Variants in CPNE8 observed in about 807,000 individuals in gnomAD.
The protein encoded by CPNE8 is copine-8.
A neutral mutation model predicts 81.5 loss-of-function variants in CPNE8; 45 were observed. The ratio of observed to expected loss-of-function variants is 0.55; its 90% CI spans 0.44 to 0.71. CPNE8 has a LOEUF of 0.71. Ranked by LOEUF, CPNE8 falls within the 30% of genes least tolerant of loss-of-function variation. CPNE8 has a pLI of 0.00. For missense variants in CPNE8, 594 were observed against 672.1 expected (o/e 0.88, Z 1.28); for synonymous variants, 252 against 226.3 (o/e 1.11, Z -1.02).
At chr12:38,695,096 A>G (rs1939764528) in intron 14 of CPNE8, among the ~76,000 whole-genome samples, 1 of 152,126 alleles carries the variant, frequency 6.6e-6, no homozygotes, top group Non-Finnish European at 1.5e-5. Flanking sequence ...CCTCAACTTG[A>G]CTAAACTTGT....
Position 38,723,842 on chromosome 12 carries a change from GA to G in CPNE8, c.853-10del. On this transcript the variant is annotated splice_polypyrimidine_tract_variant and intron_variant, in intron 12 of 19. Transcript: ENST00000331366. The stretch of plus-strand genomic sequence containing the variant: ...AAAGAGAGTAAAGTTACCTGAAAAA[GA>G]AAAAGACAGAATTACCTTCTAGTTG... The G allele has an allele frequency of 6.6e-7, 1 of 1,517,522 alleles. No individual in the cohort carries two copies. Among genetic ancestry groups the G allele is most frequent in the Middle Eastern group, 1.7e-4 (1 of 5,884 alleles). 94.0% of individuals were successfully genotyped at this position (1,517,522 alleles called of 1,614,324 possible). A position where few individuals can be genotyped will look rare whatever the true frequency, so the allele number is the denominator to read the frequency against.
At chr12:38,741,211 C>A (rs868304421) in intron 10 of CPNE8, among the ~76,000 whole-genome samples, 2 of 152,122 alleles carry the variant, frequency 1.3e-5, no homozygotes, top group Non-Finnish European at 2.9e-5. Context: ...CAAAAAAGAG[C>A]CCGCATTCCC....
intron 6 of CPNE8, among the ~76,000 whole-genome samples, chr12:38,795,348 A>G (rs1249829531): frequency 6.6e-6 from 1 of 152,228 alleles, no homozygotes; most frequent in Non-Finnish European, 1.5e-5. Context: ...TAGATCTACC[A>G]TATGATCCGC....
chr12:38,794,753 C>T (rs1194476135), intron 6 of CPNE8, among the ~76,000 whole-genome samples: 2 of 151,596 alleles, frequency 1.3e-5, no homozygotes, highest in Non-Finnish European at 1.5e-5. Context: ...CTATAGAAAA[C>T]AGTATGAATG....
At chr12:38,664,459 T>G (rs1309159392) in intron 19 of CPNE8, among the ~76,000 whole-genome samples, 1 of 152,108 alleles carries the variant, frequency 6.6e-6, no homozygotes. Flanking sequence ...AGTTTTCAAT[T>G]TATATTCATA....
intron 19 of CPNE8, among the ~76,000 whole-genome samples, chr12:38,662,791 C>G (rs776152684): frequency 2.6e-4 from 39 of 152,126 alleles, no homozygotes; most frequent in Non-Finnish European, 4.7e-4. Context: ...TAAAAACAGA[C>G]ACATAGACCA....
chr12:38,766,755 CAT>C (rs915553966), intron 8 of CPNE8, among the ~76,000 whole-genome samples: 80 of 151,850 alleles, frequency 5.3e-4, no homozygotes, highest in Middle Eastern at 3.4e-3. Context: ...ATATATTACA[CAT>C]AGTTAAAAAA....
intron 6 of CPNE8, among the ~76,000 whole-genome samples, chr12:38,811,325 A>G (rs1374888335): frequency 6.6e-6 from 1 of 152,136 alleles, no homozygotes; most frequent in African/African-American, 2.4e-5. Flanking sequence ...AAAAGACTAA[A>G]CTACAACAAA....
intron 10 of CPNE8, among the ~76,000 whole-genome samples, chr12:38,747,043 C>A (rs1022897992): frequency 6.6e-6 from 1 of 152,144 alleles, no homozygotes; most frequent in African/African-American, 2.4e-5. Context: ...TCTATTATTG[C>A]CATATAGAAT....
At chr12:38,763,609 C>T (rs148335188) in intron 8 of CPNE8, among the ~76,000 whole-genome samples, 1,959 of 152,294 alleles carry the variant, frequency 0.013, 30 homozygotes, top group South Asian at 0.042. Flanking sequence ...AAGCCTTAAG[C>T]TCGGTTTTCT....
At chr12:38,849,000 T>C (rs1178547595) in intron 3 of CPNE8, among the ~76,000 whole-genome samples, 1 of 152,174 alleles carries the variant, frequency 6.6e-6, no homozygotes, top group Non-Finnish European at 1.5e-5. Flanking sequence ...TAACCTTGTA[T>C]ATAAGAAGGC....
At position 38,767,755 on chromosome 12, in the gene CPNE8, T is replaced by C. The variant is rs1941720017; in HGVS notation, c.472-17A>G. 6.8e-7 allele frequency: 1 copy of C among 1,474,022 alleles called. No homozygotes were observed. The highest frequency in any genetic ancestry group is 9.1e-7 in the Non-Finnish European group (1 of 1,100,274). The allele number at this position is 1,474,022 out of a possible 1,614,324, so 91.3% of individuals were successfully genotyped here. ...AACGGCATCCTAAAAACAAAATTAA[T>C]AAAACAGTTCAAGATTTGGGCTATA... On this transcript the variant is annotated splice_polypyrimidine_tract_variant and intron_variant, in intron 7 of 19. Coordinates refer to ENST00000331366, the MANE Select transcript of CPNE8 (RefSeq NM_153634.3).
At chr12:38,675,155 A>G (rs1336192275) in intron 18 of CPNE8, among the ~76,000 whole-genome samples, 2 of 152,220 alleles carry the variant, frequency 1.3e-5, no homozygotes, top group Admixed American at 6.5e-5. Flanking sequence ...ATAAAGTCTC[A>G]TTAAATTTCA....
chr12:38,770,623 A>G (rs1941781426), intron 7 of CPNE8, among the ~76,000 whole-genome samples: 1 of 152,184 alleles, frequency 6.6e-6, no homozygotes. Flanking sequence ...AAAGGCCAAC[A>G]TCTAATGGGT....
In CPNE8 at chr12:38,693,698, T is replaced by G; in HGVS notation, c.1102A>C (p.Lys368Gln). ...KMFPALGFGA[K>Q]LPPDGRISHE... is the part of the protein sequence containing the mutation. The stretch of plus-strand genomic sequence containing the variant: ...GATATCCTTCCATCTGGAGGCAGTT[T>G]TGCACCAAATCCTAGAGCTGGAAAC... The change falls in exon 15 of 20, where the codon AAA (lysine) becomes CAA (glutamine). Residue 368 changes from lysine (K) to glutamine (Q), a missense_variant. Transcript: ENST00000331366. 1 of 1,612,932 alleles carries G rather than the reference T, an allele frequency of 6.2e-7. No homozygotes were observed. Among genetic ancestry groups the G allele is most frequent in the Non-Finnish European group, 8.5e-7 (1 of 1,179,540 alleles).
At position 38,780,697 on chromosome 12, in the gene CPNE8, C is replaced by T. The variant is rs184614607; in HGVS notation, c.408-4396G>A. Among the ~76,000 whole-genome samples, 30 of 152,056 alleles carry T rather than the reference C, an allele frequency of 2.0e-4. No homozygotes were observed. In the East Asian group the frequency reaches 3.5e-3, roughly 18 times the overall value. On this transcript the variant is annotated intron_variant, in intron 6 of 19. Coordinates refer to ENST00000331366, the MANE Select transcript of CPNE8 (RefSeq NM_153634.3). ...ACTGGAAACTGAAAGATAATTGAAA[C>T]AATATCTTCAGTGGTATGAAAGAAA... is the stretch of plus-strand genomic sequence containing the variant.
At chr12:38,676,265 C>A (rs1452047830) in intron 17 of CPNE8, 1 of 975,284 alleles carries the variant, frequency 1.0e-6, no homozygotes, top group Non-Finnish European at 1.2e-6. Context: ...TGATTCCATT[C>A]TTATCCTTTC....
intron 5 of CPNE8, among the ~76,000 whole-genome samples, chr12:38,833,364 A>G (rs999703532): frequency 9.9e-5 from 15 of 151,340 alleles, no homozygotes; most frequent in Non-Finnish European, 1.5e-5. Flanking sequence ...AAAAAAAAAA[A>G]AAAAAAAAGA....
intron 7 of CPNE8, among the ~76,000 whole-genome samples, chr12:38,768,039 T>C (rs1329702558): frequency 2.0e-5 from 3 of 151,984 alleles, no homozygotes; most frequent in Non-Finnish European, 4.4e-5. Context: ...TATAGGATCC[T>C]CATTCATATC....
Sources: allele counts gnomAD v4.1 joint callset (sites outside exome capture counted in the v4.1 genomes callset), GRCh38; gene constraint gnomAD v4.1.1; transcripts MANE v1.5; gene names NCBI Gene and HGNC (gene_info 2026-07-23, HGNC 2026-07-21).